The following RALGAPA1 variants were observed in gnomAD, a reference collection of about 807,000 sequenced individuals.
RALGAPA1 encodes the protein Ral GTPase activating protein catalytic subunit alpha 1, also known as ral GTPase-activating protein subunit alpha-1.
Under a neutral mutation model 269.6 loss-of-function variants are expected in RALGAPA1, and 52 were observed. The observed-to-expected ratio is 0.19, with a 90% confidence interval of 0.15 to 0.24. The LOEUF is 0.24. Among genes scored for constraint, RALGAPA1 ranks in the 10% least tolerant of loss-of-function variants. The probability of loss-of-function intolerance (pLI) is 1.00; values close to 1 mark genes in which losing one functional copy is unlikely to be tolerated. For missense variants in RALGAPA1, 1,917 were observed against 3,013.9 expected, an observed-to-expected ratio of 0.64 and a Z score of 8.52; for synonymous variants, 817 against 1,008.3, an observed-to-expected ratio of 0.81 and a Z score of 3.60.
chr14:35,786,555 G>A lies in RALGAPA1; in HGVS notation c.107-10810C>T, dbSNP rs149670790. 1.4e-3 allele frequency among the ~76,000 whole-genome samples: 216 copies of A among 150,884 alleles called. 5 individuals are homozygous for A. In the East Asian group the frequency reaches 0.038, roughly 27 times the overall value. ...CGGGAGGCTGAGGCAGGAGAATGGC[G>A]TGAACCCGGGAGGCAGAGGTTGCAG... On this transcript the variant is annotated intron_variant, in intron 1 of 41. Coordinates refer to ENST00000680220, the MANE Select transcript of RALGAPA1 (RefSeq NM_001346249.2).
At chr14:35,580,320 A>G in intron 37 of RALGAPA1, among the ~76,000 whole-genome samples, 1 of 152,230 alleles carries the variant, frequency 6.6e-6, no homozygotes, top group Admixed American at 6.5e-5. Context: ...GAAATGAGAG[A>G]GGCTCCTATG....
chr14:35,795,842 G>A (rs1595586333), intron 1 of RALGAPA1, among the ~76,000 whole-genome samples: 1 of 151,612 alleles, frequency 6.6e-6, no homozygotes. Context: ...AATTAGCTGG[G>A]TGTGGTGGCA....
chr14:35,765,242 A>G (rs937594238), intron 4 of RALGAPA1, among the ~76,000 whole-genome samples: 4 of 152,112 alleles, frequency 2.6e-5, no homozygotes, highest in Non-Finnish European at 4.4e-5. Context: ...TTTATAATTT[A>G]TCTTGTTATC....
At chr14:35,779,789 A>C (rs1413074161) in intron 1 of RALGAPA1, among the ~76,000 whole-genome samples, 1 of 152,188 alleles carries the variant, frequency 6.6e-6, no homozygotes, top group East Asian at 1.9e-4. Flanking sequence ...AGGCATGCTA[A>C]CAAAGTCTGG....
At chr14:35,674,049 A>C (rs1372785818) in intron 24 of RALGAPA1, 131 bp downstream of exon 24, 3 of 633,184 alleles carry the variant, frequency 4.7e-6, no homozygotes, top group Non-Finnish European at 8.2e-6. Context: ...TATAATGCCT[A>C]ATGACTTCCT....
rs371429655 is a variant in RALGAPA1, at chr14:35,714,301, C to T, written c.2266+7387G>A. Among the ~76,000 whole-genome samples, 11 of 152,174 alleles carry T rather than the reference C, an allele frequency of 7.2e-5. No individual in the cohort carries two copies. In the South Asian group the frequency reaches 1.5e-3, roughly 20 times the overall value. On this transcript the variant is annotated intron_variant, in intron 16 of 41. Coordinates refer to ENST00000680220, the MANE Select transcript of RALGAPA1 (RefSeq NM_001346249.2). Reference sequence around the variant, plus strand: ...CACATCCTCACCAACACTTAATATTCGTATTTTGATAAACAATAGCCATCC... The same window carrying T: ...CACATCCTCACCAACACTTAATATTTGTATTTTGATAAACAATAGCCATCC...
intron 41 of RALGAPA1, chr14:35,541,945 T>C: frequency 1.1e-6 from 1 of 940,604 alleles, no homozygotes; most frequent in Non-Finnish European, 1.5e-6. Context: ...AGGTTTTTAT[T>C]ATGAAATATA....
chr14:35,700,934 T>A (rs2140627005), intron 16 of RALGAPA1, among the ~76,000 whole-genome samples: 1 of 152,292 alleles, frequency 6.6e-6, no homozygotes, highest in East Asian at 1.9e-4. Context: ...TAATTAAAAT[T>A]TTTACATAGA....
chr14:35,630,607 A>T (rs1198030378), intron 33 of RALGAPA1, among the ~76,000 whole-genome samples: 1 of 151,600 alleles, frequency 6.6e-6, no homozygotes, highest in Non-Finnish European at 1.5e-5. Flanking sequence ...AAAAGTTCCA[A>T]TTAATGGCTG....
At chr14:35,672,627 G>A (rs1387537942) in intron 25 of RALGAPA1, among the ~76,000 whole-genome samples, 1 of 152,030 alleles carries the variant, frequency 6.6e-6, no homozygotes, top group Admixed American at 6.6e-5. Flanking sequence ...GAACTGGTTG[G>A]TACAACATTA....
At chr14:35,657,526 G>C (rs1330063162) in intron 28 of RALGAPA1, among the ~76,000 whole-genome samples, 1 of 151,908 alleles carries the variant, frequency 6.6e-6, no homozygotes, top group African/African-American at 2.4e-5. Context: ...TACTAAAAAG[G>C]TATAGAAAAA....
intron 12 of RALGAPA1, among the ~76,000 whole-genome samples, chr14:35,735,070 G>A (rs2070855583): frequency 6.6e-6 from 1 of 151,978 alleles, no homozygotes; most frequent in East Asian, 1.9e-4. Context: ...ACTAGATGCT[G>A]GCATGGATGT....
chr14:35,732,416 C>T (rs2070577664), intron 12 of RALGAPA1, among the ~76,000 whole-genome samples: 1 of 150,720 alleles, frequency 6.6e-6, no homozygotes, highest in African/African-American at 2.4e-5. Context: ...TCAATACTAA[C>T]ATTGAATGTA....
At chr14:35,668,377 G>A (rs772106488) in intron 26 of RALGAPA1, among the ~76,000 whole-genome samples, 1 of 152,096 alleles carries the variant, frequency 6.6e-6, no homozygotes, top group Admixed American at 6.6e-5. Flanking sequence ...CAGCTATTCG[G>A]GAGGCTGAGG....
chr14:35,793,513 C>T (rs1158216261), intron 1 of RALGAPA1, among the ~76,000 whole-genome samples: 5 of 151,980 alleles, frequency 3.3e-5, no homozygotes, highest in African/African-American at 2.4e-5. Context: ...GGATTACAGG[C>T]GTGAGCCACC....
chr14:35,705,038 T>TA (rs1477339491), intron 16 of RALGAPA1, among the ~76,000 whole-genome samples: 2 of 152,102 alleles, frequency 1.3e-5, no homozygotes, highest in Non-Finnish European at 2.9e-5. Context: ...GGTTTACAGA[T>TA]AAAAAATGAG....
At chr14:35,613,131 G>A (rs2060058910) in intron 35 of RALGAPA1, among the ~76,000 whole-genome samples, 1 of 151,278 alleles carries the variant, frequency 6.6e-6, no homozygotes, top group Non-Finnish European at 1.5e-5. Flanking sequence ...ATCCAGGCTG[G>A]AGGGCAGTGG....
chr14:35,771,721 C>A (rs1268243242), intron 3 of RALGAPA1, among the ~76,000 whole-genome samples: 1 of 151,946 alleles, frequency 6.6e-6, no homozygotes, highest in Non-Finnish European at 1.5e-5. Flanking sequence ...AGTGCACTGG[C>A]TATTCAGAAG....
chr14:35,743,993 C>T (rs949486396), intron 10 of RALGAPA1, among the ~76,000 whole-genome samples: 1 of 152,108 alleles, frequency 6.6e-6, no homozygotes, highest in Non-Finnish European at 1.5e-5. Context: ...CAAAAATACG[C>T]TTAATCTCAT....
Sources: allele counts gnomAD v4.1 joint callset (sites outside exome capture counted in the v4.1 genomes callset), GRCh38; gene constraint gnomAD v4.1.1; transcripts MANE v1.5; gene names NCBI Gene and HGNC (gene_info 2026-07-23, HGNC 2026-07-21).